Variants in NLRP2 observed in about 807,000 individuals in gnomAD.
NLRP2 encodes the protein NACHT, LRR and PYD domains-containing protein 2.
Under a neutral mutation model 97.2 loss-of-function variants are expected in NLRP2, and 107 were observed. The ratio of observed to expected loss-of-function variants is 1.10; its 90% confidence interval spans 0.94 to 1.29. The LOEUF (loss-of-function observed/expected upper bound fraction) is 1.29, where lower values mean the gene tolerates loss of function less well. NLRP2 is among the 50% of genes most tolerant of loss of function. NLRP2 has a pLI of 0.00. For missense variants in NLRP2, 1,495 were observed against 1,330.3 expected (o/e 1.12, Z -1.93); for synonymous variants, 663 against 551.5 (o/e 1.20, Z -2.83).
Position 54,984,329 on chromosome 19 carries a change from G to GTGTGTGTTTTTTTTTTTTT in NLRP2, c.2030+602_2030+603insGTGTGTTTTTTTTTTTTTT. On this transcript the variant is annotated intron_variant, in intron 6 of 12. Coordinates refer to ENST00000448584, the MANE Select transcript of NLRP2 (RefSeq NM_017852.5). ...AACTTAAGTGGGGGTTTTTTTTTGT[G>GTGTGTGTTTTTTTTTTTTT]TTTTTTTTTTTTTTTTTTTTTTTGG... 1.3e-3 allele frequency among the ~76,000 whole-genome samples: 102 copies of GTGTGTGTTTTTTTTTTTTT among 79,676 alleles called. 2 individuals are homozygous for GTGTGTGTTTTTTTTTTTTT. The highest frequency in any genetic ancestry group is 4.2e-3 in the African/African-American group (90 of 21,644). 52.3% of individuals were successfully genotyped at this position (79,676 alleles called of 152,430 possible).
At chr19:54,989,200 C>A (rs2072297266) in intron 8 of NLRP2, among the ~76,000 whole-genome samples, 4 of 151,656 alleles carry the variant, frequency 2.6e-5, no homozygotes, top group African/African-American at 9.7e-5. Flanking sequence ...TCCTGATCTG[C>A]CCACCTCGGC....
intron 3 of NLRP2, 121 bp downstream of exon 3, chr19:54,974,665 C>T: frequency 1.3e-6 from 1 of 783,662 alleles, no homozygotes; most frequent in Non-Finnish European, 2.2e-6. Flanking sequence ...AGCATCCCTG[C>T]TCCCAGGGCG....
chr19:54,992,691 C>T (rs568507691), intron 10 of NLRP2, among the ~76,000 whole-genome samples: 1 of 151,184 alleles, frequency 6.6e-6, no homozygotes, highest in East Asian at 2.0e-4. Context: ...CTCAGCCTCC[C>T]AGGGATTAAG....
At chr19:54,990,951 C>G (rs930139802) in intron 10 of NLRP2, 1 of 483,700 alleles carries the variant, frequency 2.1e-6, no homozygotes, top group Non-Finnish European at 3.8e-6. Flanking sequence ...GGGATCTCGC[C>G]GTGTTGCCTA....
At chr19:54,983,794 G>T in intron 6 of NLRP2, 66 bp downstream of exon 6, 1 of 1,593,270 alleles carries the variant, frequency 6.3e-7, no homozygotes, top group South Asian at 1.1e-5. Flanking sequence ...CTTAGGAAGA[G>T]GCCAGAGCCT....
At chr19:54,990,397 G>T in intron 9 of NLRP2, 105 bp from the exon 10 acceptor site, 1 of 1,225,314 alleles carries the variant, frequency 8.2e-7, no homozygotes, top group South Asian at 1.2e-5. Context: ...ATAGAAGGTG[G>T]GGAGTTCACA....
chr19:54,986,613 C>A (rs921645528), intron 8 of NLRP2, among the ~76,000 whole-genome samples: 1 of 151,464 alleles, frequency 6.6e-6, no homozygotes, highest in South Asian at 2.1e-4. Flanking sequence ...TGCAATGGCA[C>A]GATCTTGGCT....
intron 2 of NLRP2, chr19:54,973,829 C>A (rs371582142): frequency 1.6e-6 from 1 of 615,844 alleles, no homozygotes; most frequent in Non-Finnish European, 3.1e-6. Flanking sequence ...GGTGAATGTT[C>A]CTGAAACCCG....
At chr19:54,969,923 C>CACAGCAGGAACTGGCATTTGAG (rs2070733981) in intron 1 of NLRP2, 76 bp from the exon 2 acceptor site, 7 of 1,438,118 alleles carry the variant, frequency 4.9e-6, no homozygotes, top group African/African-American at 1.4e-5. Flanking sequence ...TTGTTCGTGG[C>CACAGCAGGAACTGGCATTTGAG]ACAGCAGGAA....
intron 10 of NLRP2, chr19:54,994,034 C>T (rs2072656301): frequency 6.5e-6 from 4 of 611,330 alleles, no homozygotes; most frequent in African/African-American, 1.8e-5. Context: ...TATAAACCAT[C>T]TTAAGATGCT....
At position 54,998,631 on chromosome 19, in the gene NLRP2, CTTTTT is replaced by C. The variant is rs1179005483; in HGVS notation, c.3050+1161_3050+1165del. ...TTTTTCTTTTTTTTTTTTTTTTTTC[CTTTTT>C]TTTTTTTTTTTTTTTTATTGATCAT... On this transcript the variant is annotated intron_variant, in intron 12 of 12. Transcript: ENST00000448584. Among the ~76,000 whole-genome samples the C allele has an allele frequency of 8.5e-4, 52 of 61,136 alleles. 2 individuals are homozygous for C. In the South Asian group the frequency reaches 8.9e-3, roughly 10 times the overall value. 40.1% of individuals were successfully genotyped at this position (61,136 alleles called of 152,430 possible). A position where few individuals can be genotyped will look rare whatever the true frequency, so the allele number is the denominator to read the frequency against.
chr19:54,980,207 G>T (rs1259323181), intron 4 of NLRP2, among the ~76,000 whole-genome samples: 3 of 148,306 alleles, frequency 2.0e-5, no homozygotes, highest in Non-Finnish European at 3.0e-5. Flanking sequence ...GTTTTGTTTT[G>T]TTTTTTTTTT....
Position 55,000,270 on chromosome 19 carries a change from C to CTTTTTTTTTTTTTTT in NLRP2, c.3051-465_3051-451dup, listed in dbSNP as rs1157138794. On this transcript the variant is annotated intron_variant, in intron 12 of 12. Transcript: ENST00000448584. The stretch of plus-strand genomic sequence containing the variant: ...CCAGCTTGGGCAACAGAGAGACTGT[C>CTTTTTTTTTTTTTTT]TTTTTTTTTTTTTTTTTTTTTTTTT... 5.0e-4 allele frequency among the ~76,000 whole-genome samples: 18 copies of CTTTTTTTTTTTTTTT among 36,026 alleles called. 4 individuals carry two copies. The highest frequency in any genetic ancestry group is 8.7e-4 in the Non-Finnish European group (18 of 20,646). 23.6% of individuals were successfully genotyped at this position (36,026 alleles called of 152,430 possible). A position where few individuals can be genotyped will look rare whatever the true frequency, so the allele number is the denominator to read the frequency against.
intron 3 of NLRP2, 59 bp downstream of exon 3, chr19:54,974,603 T>G: frequency 8.5e-7 from 1 of 1,175,696 alleles, no homozygotes; most frequent in South Asian, 1.2e-5. Flanking sequence ...CTCGGGCCTT[T>G]GTTTTAAGGA....
intron 9 of NLRP2, 111 bp from the exon 10 acceptor site, chr19:54,990,391 A>G: frequency 8.4e-7 from 1 of 1,192,346 alleles, no homozygotes; most frequent in South Asian, 1.2e-5. Context: ...TGCATGATAG[A>G]AGGTGGGGAG....
intron 3 of NLRP2, among the ~76,000 whole-genome samples, chr19:54,975,090 C>A (rs915012842): frequency 3.7e-5 from 5 of 134,772 alleles, no homozygotes; most frequent in Admixed American, 8.1e-5. Flanking sequence ...CATGAGCCAC[C>A]ACCACACCCG....
At chr19:54,976,345 G>A (rs895904092) in intron 3 of NLRP2, among the ~76,000 whole-genome samples, 2 of 150,414 alleles carry the variant, frequency 1.3e-5, no homozygotes, top group African/African-American at 2.5e-5. Context: ...GAGTCACTGC[G>A]CCTGGTCTCA....
chr19:54,976,418 C>T (rs2071232654), intron 3 of NLRP2, among the ~76,000 whole-genome samples: 1 of 151,944 alleles, frequency 6.6e-6, no homozygotes, highest in African/African-American at 2.4e-5. Context: ...GTGGTACAAT[C>T]TCACTGCAGC....
rs879776827 is a variant in NLRP2 at position 55,001,035 on chromosome 19, A to C, written c.*137A>C. 1 of 755,252 alleles carries C rather than the reference A, an allele frequency of 1.3e-6. No individual in the cohort carries two copies. Among genetic ancestry groups the C allele is most frequent in the African/African-American group, 1.7e-5 (1 of 57,522 alleles). The allele number at this position is 755,252 out of a possible 1,614,324, so 46.8% of individuals were successfully genotyped here. ...TGCTGGGCTAGATGTTTTAGCCATG[A>C]TTCTGCCTCTGTTTTATACCTGCAC... On this transcript the variant is annotated 3_prime_UTR_variant, in exon 13 of 13. Coordinates refer to ENST00000448584, the MANE Select transcript of NLRP2 (RefSeq NM_017852.5).
Sources: allele counts gnomAD v4.1 joint callset (sites outside exome capture counted in the v4.1 genomes callset), GRCh38; gene constraint gnomAD v4.1.1; transcripts MANE v1.5; gene names NCBI Gene and HGNC (gene_info 2026-07-23, HGNC 2026-07-21).